Variants in HAPLN1 observed in about 807,000 individuals in gnomAD.
The protein encoded by HAPLN1 is hyaluronan and proteoglycan link protein 1.
In HAPLN1, 13 loss-of-function variants were observed where a neutral mutation model predicts 36.5. That is an observed-to-expected ratio of 0.36 (90% CI 0.23 to 0.57). The LOEUF is 0.57. Ranked by LOEUF, HAPLN1 falls within the 20% of genes least tolerant of loss-of-function variation. The pLI is 0.83. For synonymous variants in HAPLN1, 202 were observed against 169.8 expected, an observed-to-expected ratio of 1.19 and a Z score of -1.48; for missense variants, 407 against 439.7, an observed-to-expected ratio of 0.93 and a Z score of 0.66.
intron 1 of HAPLN1, among the ~76,000 whole-genome samples, chr5:83,678,220 G>GTGTGTGTGT (rs1554049527): frequency 7.6e-4 from 109 of 142,640 alleles, no homozygotes; most frequent in African/African-American, 1.9e-3. Flanking sequence ...CTATAGTTTG[G>GTGTGTGTGT]GTGTGTGTGT....
intron 2 of HAPLN1, among the ~76,000 whole-genome samples, chr5:83,665,395 AG>A (rs945400385): frequency 1.3e-5 from 2 of 152,158 alleles, no homozygotes; most frequent in African/African-American, 4.8e-5. Flanking sequence ...TCTACCCTTC[AG>A]TAACTCTGAG....
intron 1 of HAPLN1, among the ~76,000 whole-genome samples, chr5:83,701,862 G>A (rs1751514344): frequency 6.6e-6 from 1 of 152,126 alleles, no homozygotes. Flanking sequence ...GGAGACGGAG[G>A]TTGCGGTGAG....
intron 2 of HAPLN1, among the ~76,000 whole-genome samples, chr5:83,656,613 G>A (rs1472010713): frequency 1.3e-5 from 2 of 152,110 alleles, no homozygotes; most frequent in African/African-American, 4.8e-5. Flanking sequence ...AAGATGTCCA[G>A]TGGGGGACTG....
At position 83,639,193 on chromosome 5, in the gene HAPLN1, G is replaced by A. The variant is rs1226193308; in HGVS notation, c.*2303C>T. 1 of 152,086 alleles carries A rather than the reference G, an allele frequency of 6.6e-6. No individual in the cohort carries two copies. The highest frequency in any genetic ancestry group is 1.5e-5 in the Non-Finnish European group (1 of 67,938). The allele number at this position is 152,086 out of a possible 1,614,324, so 9.4% of individuals were successfully genotyped here. On this transcript the variant is annotated 3_prime_UTR_variant, in exon 5 of 5. Coordinates refer to ENST00000274341, the MANE Select transcript of HAPLN1 (RefSeq NM_001884.4). ...ACATTAAAAAGACTCATTCAAGTAT[G>A]AGTATAAAGGGCATGGAAATTCTGG...
In HAPLN1 at chr5:83,652,529, T is replaced by A. The variant is rs1444232027; in HGVS notation, c.396A>T (p.Glu132Asp). The A allele has an allele frequency of 6.2e-7, 1 of 1,614,178 alleles. No homozygotes were observed. The highest frequency in any genetic ancestry group is 2.2e-5 in the East Asian group (1 of 44,880). ...CCTCACACTTATATCTCCCATAATC[T>A]TCCAGAGTGAGGTCTGTGATGACCA... The part of the protein sequence containing the change: ...ASLVITDLTL[E>D]DYGRYKCEVI... Residue 132 changes from glutamate to aspartate, a missense_variant, in exon 3 of 5, where the codon GAA becomes GAT. Transcript: ENST00000274341.
chr5:83,697,944 A>C (rs1751429553), intron 1 of HAPLN1, among the ~76,000 whole-genome samples: 1 of 152,060 alleles, frequency 6.6e-6, no homozygotes, highest in East Asian at 1.9e-4. Flanking sequence ...TACTAGCATA[A>C]GATTTGCAAA....
In HAPLN1 at chr5:83,641,529, C is replaced by T; in HGVS notation, c.1032G>A (p.Leu344=). ...ATGCTCTGAAGCAGTAGACACCATACAGCTTATGCTTTTTATCTGGGAAAC... is the reference window on the plus strand; with the variant it reads ...ATGCTCTGAAGCAGTAGACACCATATAGCTTATGCTTTTTATCTGGGAAAC... ...FVGFPDKKHK[L]YGVYCFRAYN Residue 344 remains leucine, a synonymous_variant, in exon 5 of 5, where the codon CTG becomes CTA. Transcript: ENST00000274341. 1 of 1,613,412 alleles carries T rather than the reference C, an allele frequency of 6.2e-7. No homozygotes were observed. The highest frequency in any genetic ancestry group is 8.5e-7 in the Non-Finnish European group (1 of 1,179,470).
In HAPLN1 at chr5:83,708,937, C is replaced by T. The variant is rs944595861; in HGVS notation, c.-27+11852G>A. On this transcript the variant is annotated intron_variant, in intron 1 of 4. Coordinates refer to ENST00000274341, the MANE Select transcript of HAPLN1 (RefSeq NM_001884.4). The stretch of plus-strand genomic sequence containing the variant: ...TGTCACCCAGGCTGGAGTGCAGCGG[C>T]GTGATCTCAGCTCACTACAACCTTC... 1.0e-3 allele frequency among the ~76,000 whole-genome samples: 155 copies of T among 152,208 alleles called. 1 individual carries two copies. Among genetic ancestry groups the T allele is most frequent in the African/African-American group, 3.6e-3 (151 of 41,532 alleles).
intron 2 of HAPLN1, among the ~76,000 whole-genome samples, chr5:83,663,981 A>G (rs1353879046): frequency 3.9e-5 from 6 of 152,034 alleles, no homozygotes. Flanking sequence ...TGTAAATCAC[A>G]TTATGTCACC....
intron 3 of HAPLN1, among the ~76,000 whole-genome samples, chr5:83,647,695 G>A (rs1749912891): frequency 6.6e-6 from 1 of 152,152 alleles, no homozygotes; most frequent in Non-Finnish European, 1.5e-5. Context: ...TGGGAAAGAA[G>A]GTGGTATGAT....
chr5:83,701,021 A>G (rs1316508785), intron 1 of HAPLN1, among the ~76,000 whole-genome samples: 7 of 152,214 alleles, frequency 4.6e-5, no homozygotes. Flanking sequence ...ACTATCAGTC[A>G]AGAGGTTTAC....
At chr5:83,645,480 T>C (rs984299805) in intron 3 of HAPLN1, among the ~76,000 whole-genome samples, 2 of 137,392 alleles carry the variant, frequency 1.5e-5, no homozygotes, top group Admixed American at 7.3e-5. Context: ...TCTTTCTTTT[T>C]TTTTTTTTTT....
At chr5:83,689,464 ACT>A (rs750072347) in intron 1 of HAPLN1, among the ~76,000 whole-genome samples, 1 of 151,694 alleles carries the variant, frequency 6.6e-6, no homozygotes, top group Admixed American at 6.6e-5. Flanking sequence ...CTGAACTACA[ACT>A]TTTTTTTCAC....
intron 1 of HAPLN1, among the ~76,000 whole-genome samples, chr5:83,690,209 G>C (rs750360566): frequency 6.6e-5 from 10 of 151,950 alleles, no homozygotes; most frequent in Non-Finnish European, 1.2e-4. Context: ...ACCCTAGACT[G>C]TTTCCCCCCA....
Position 83,637,820 on chromosome 5 carries a change from C to T in HAPLN1, c.*3676G>A, listed in dbSNP as rs1318703005. 2.0e-5 allele frequency: 3 copies of T among 151,840 alleles called. No homozygotes were observed. Among genetic ancestry groups the T allele is most frequent in the Admixed American group, 6.6e-5 (1 of 15,232 alleles). 9.4% of individuals were successfully genotyped at this position (151,840 alleles called of 1,614,324 possible). A position where few individuals can be genotyped will look rare whatever the true frequency, so the allele number is the denominator to read the frequency against. ...AGAACTTAAGTATGAAAAGAAAAAC[C>T]TTTTTTTAATTCAGCACTCATGATT... On this transcript the variant is annotated 3_prime_UTR_variant, in exon 5 of 5. Coordinates refer to ENST00000274341, the MANE Select transcript of HAPLN1 (RefSeq NM_001884.4).
intron 1 of HAPLN1, among the ~76,000 whole-genome samples, chr5:83,675,994 T>C (rs1360188214): frequency 6.6e-6 from 1 of 152,224 alleles, no homozygotes; most frequent in African/African-American, 2.4e-5. Flanking sequence ...TCTTAAGACT[T>C]TGACTTGTGT....
intron 2 of HAPLN1, among the ~76,000 whole-genome samples, chr5:83,665,037 G>A (rs1026408426): frequency 1.3e-5 from 2 of 152,034 alleles, no homozygotes; most frequent in South Asian, 4.2e-4. Context: ...GCAGATTTTT[G>A]GAGATTTAAA....
chr5:83,691,744 A>C (rs1751279897), intron 1 of HAPLN1, among the ~76,000 whole-genome samples: 1 of 151,932 alleles, frequency 6.6e-6, no homozygotes. Flanking sequence ...AGGGCATACC[A>C]ATAATAATAG....
chr5:83,672,518 T>C (rs1750757404), intron 2 of HAPLN1, among the ~76,000 whole-genome samples: 1 of 152,210 alleles, frequency 6.6e-6, no homozygotes, highest in Non-Finnish European at 1.5e-5. Flanking sequence ...TCATAATACG[T>C]ACAGGAAAAT....
Sources: allele counts gnomAD v4.1 joint callset (sites outside exome capture counted in the v4.1 genomes callset), GRCh38; gene constraint gnomAD v4.1.1; transcripts MANE v1.5; gene names NCBI Gene and HGNC (gene_info 2026-07-23, HGNC 2026-07-21).